UBE2Q2: variants seen among roughly 807,000 people sequenced by gnomAD.
UBE2Q2 encodes the protein ubiquitin-conjugating enzyme E2 Q2.
Under a neutral mutation model 59.9 loss-of-function variants are expected in UBE2Q2, and 54 were observed. The observed-to-expected ratio is 0.90, with a 90% confidence interval of 0.72 to 1.13. The LOEUF is 1.13. UBE2Q2 is among the 50% of genes most tolerant of loss of function. The pLI is 0.00. For synonymous variants in UBE2Q2, 165 were observed against 155.2 expected (o/e 1.06, Z -0.47); for missense variants, 433 against 441.9 (o/e 0.98, Z 0.18).
At chr15:75,852,862 A>G (rs755032877) in intron 1 of UBE2Q2, among the ~76,000 whole-genome samples, 31 of 152,380 alleles carry the variant, frequency 2.0e-4, no homozygotes, top group East Asian at 1.3e-3. Flanking sequence ...GTATACTATT[A>G]ATGATGTCCT....
At chr15:75,876,295 C>G in intron 6 of UBE2Q2, 24 bp downstream of exon 6, 1 of 1,579,706 alleles carries the variant, frequency 6.3e-7, no homozygotes, top group Non-Finnish European at 8.7e-7. Context: ...GATCCCTGCT[C>G]TCTTTATGAT....
chr15:75,876,148 C>T, intron 5 of UBE2Q2, 39 bp from the exon 6 acceptor site: 2 of 1,587,664 alleles, frequency 1.3e-6, no homozygotes, highest in Non-Finnish European at 1.7e-6. Context: ...TAAATCTTAG[C>T]TCAGCAGACC....
In UBE2Q2 at chr15:75,900,355, C is replaced by T. The variant is rs1899686955; in HGVS notation, c.*897C>T. The T allele has an allele frequency of 6.6e-6, 1 of 152,556 alleles. No homozygotes were observed. The highest frequency in any genetic ancestry group is 1.5e-5 in the Non-Finnish European group (1 of 68,030). The allele number at this position is 152,556 out of a possible 1,614,324, so 9.5% of individuals were successfully genotyped here. ...TACAAAAAGATACTTAATTTGGAGACTCTTACAGTAATTTTTGCCATGTCA... is the reference window on the plus strand; with the variant it reads ...TACAAAAAGATACTTAATTTGGAGATTCTTACAGTAATTTTTGCCATGTCA... On this transcript the variant is annotated 3_prime_UTR_variant, in exon 13 of 13. Transcript: ENST00000267938.
chr15:75,865,708 A>G (rs955635242), intron 3 of UBE2Q2, among the ~76,000 whole-genome samples: 2 of 151,954 alleles, frequency 1.3e-5, no homozygotes, highest in African/African-American at 2.4e-5. Flanking sequence ...AGACTTCACT[A>G]TTGGTGTTAC....
chr15:75,861,856 C>T (rs1281134060), intron 3 of UBE2Q2, among the ~76,000 whole-genome samples: 1 of 152,182 alleles, frequency 6.6e-6, no homozygotes, highest in African/African-American at 2.4e-5. Flanking sequence ...TGGCAGCTCT[C>T]ACTATGTGGT....
chr15:75,875,939 A>C (rs1160761298), intron 5 of UBE2Q2, among the ~76,000 whole-genome samples: 1 of 151,556 alleles, frequency 6.6e-6, no homozygotes, highest in African/African-American at 2.4e-5. Context: ...GGTGGTGCGC[A>C]CCTGTAGTCT....
In UBE2Q2 at chr15:75,899,584, G is replaced by A. The variant is rs973033562; in HGVS notation, c.*126G>A. The stretch of plus-strand genomic sequence containing the variant: ...GATGTTAGTTAATAGATATTTTAGT[G>A]GATAATCTGTCATCTGACATCCAGT... On this transcript the variant is annotated 3_prime_UTR_variant, in exon 13 of 13. Coordinates refer to ENST00000267938, the MANE Select transcript of UBE2Q2 (RefSeq NM_173469.4). 1 of 706,222 alleles carries A rather than the reference G, an allele frequency of 1.4e-6. No homozygotes were observed. Among genetic ancestry groups the A allele is most frequent in the Non-Finnish European group, 2.2e-6 (1 of 444,684 alleles). The allele number at this position is 706,222 out of a possible 1,614,324, so 43.7% of individuals were successfully genotyped here. A position where few individuals can be genotyped will look rare whatever the true frequency, so the allele number is the denominator to read the frequency against.
chr15:75,858,510 C>G (rs552107417), intron 2 of UBE2Q2, among the ~76,000 whole-genome samples: 1 of 152,094 alleles, frequency 6.6e-6, no homozygotes, highest in South Asian at 2.1e-4. Context: ...TTTCTAAGAC[C>G]TGTCCTTCTG....
chr15:75,886,127 T>C (rs1488654265), intron 9 of UBE2Q2, among the ~76,000 whole-genome samples: 1 of 36,840 alleles, frequency 2.7e-5, no homozygotes, highest in East Asian at 4.8e-4. Flanking sequence ...GTGTTTTAGT[T>C]TTTTTTTTTT....
At chr15:75,861,978 C>G (rs1276206596) in intron 3 of UBE2Q2, among the ~76,000 whole-genome samples, 1 of 152,210 alleles carries the variant, frequency 6.6e-6, no homozygotes, top group African/African-American at 2.4e-5. Context: ...TGGCCTTTCT[C>G]TCTGCATAGC....
chr15:75,844,324 T>C (rs2141516093), intron 1 of UBE2Q2: 1 of 1,549,388 alleles, frequency 6.5e-7, no homozygotes. Context: ...GCCAATTGTT[T>C]TTAAGTTTGC....
intron 3 of UBE2Q2, among the ~76,000 whole-genome samples, chr15:75,862,204 G>T (rs1165601826): frequency 6.6e-6 from 1 of 152,114 alleles, no homozygotes; most frequent in African/African-American, 2.4e-5. Context: ...ATCCAAGGAC[G>T]TGATGACAGG....
At chr15:75,855,533 A>G (rs943293487) in intron 2 of UBE2Q2, among the ~76,000 whole-genome samples, 7 of 152,100 alleles carry the variant, frequency 4.6e-5, no homozygotes, top group African/African-American at 1.7e-4. Flanking sequence ...GATGTCATAC[A>G]GTCTTTATAG....
chr15:75,893,200 A>G (rs1272121630), intron 11 of UBE2Q2, among the ~76,000 whole-genome samples: 1 of 152,244 alleles, frequency 6.6e-6, no homozygotes, highest in African/African-American at 2.4e-5. Flanking sequence ...AATTAATAAA[A>G]TCCAGCTGTT....
intron 7 of UBE2Q2, 85 bp from the exon 8 acceptor site, chr15:75,879,013 G>A (rs2141635432): frequency 2.1e-6 from 2 of 958,198 alleles, no homozygotes; most frequent in Non-Finnish European, 3.1e-6. Context: ...TATTTTAGCT[G>A]TCATACTAGT....
chr15:75,844,942 A>G (rs926197547), intron 1 of UBE2Q2, among the ~76,000 whole-genome samples: 2 of 151,762 alleles, frequency 1.3e-5, no homozygotes, highest in Non-Finnish European at 2.9e-5. Flanking sequence ...TTACCAGACT[A>G]TCTGGGCAGA....
chr15:75,852,516 G>T (rs1896681109), intron 1 of UBE2Q2, among the ~76,000 whole-genome samples: 1 of 152,138 alleles, frequency 6.6e-6, no homozygotes, highest in South Asian at 2.1e-4. Context: ...TCTTAATATG[G>T]TTTTGAGGGG....
intron 8 of UBE2Q2, among the ~76,000 whole-genome samples, chr15:75,882,601 A>G (rs1331718715): frequency 6.6e-6 from 1 of 152,226 alleles, no homozygotes; most frequent in East Asian, 1.9e-4. Flanking sequence ...TGTCTGTTAA[A>G]TATAGATGAA....
At chr15:75,849,342 A>C (rs1028394291) in intron 1 of UBE2Q2, among the ~76,000 whole-genome samples, 1 of 152,122 alleles carries the variant, frequency 6.6e-6, no homozygotes, top group Non-Finnish European at 1.5e-5. Context: ...AACCTTCCAG[A>C]AGTTTGTGCA....
Sources: gnomAD v4.1 joint callset for allele counts (sites outside exome capture counted in the v4.1 genomes callset) on GRCh38, gnomAD v4.1.1 for gene constraint, MANE v1.5 for transcripts, NCBI Gene and HGNC (gene_info 2026-07-23, HGNC 2026-07-21) for gene names.